The following EIPR1 variants were observed in gnomAD, a reference collection of about 807,000 sequenced individuals.
EIPR1 encodes the protein EARP and GARP complex-interacting protein 1.
Under a neutral mutation model 48.1 loss-of-function variants are expected in EIPR1, and 25 were observed. That is an observed-to-expected ratio of 0.52 (90% CI 0.38 to 0.73). The LOEUF is 0.73. EIPR1 is among the 30% of genes least tolerant of loss of function. The pLI is 0.00. For synonymous variants in EIPR1, 204 were observed against 201.9 expected, an observed-to-expected ratio of 1.01 and a Z score of -0.09; for missense variants, 415 against 506.2, an observed-to-expected ratio of 0.82 and a Z score of 1.73.
chr2:3,360,499 C>G (rs1019450192), intron 1 of EIPR1, among the ~76,000 whole-genome samples: 4 of 151,976 alleles, frequency 2.6e-5, no homozygotes, highest in African/African-American at 9.7e-5. Context: ...GGAACCAAAC[C>G]AGGCAAAGGA....
At chr2:3,277,873 A>T (rs1667904614) in intron 3 of EIPR1, among the ~76,000 whole-genome samples, 1 of 152,168 alleles carries the variant, frequency 6.6e-6, no homozygotes, top group African/African-American at 2.4e-5. Context: ...TTCACGGTGG[A>T]CTTGAGCCCT....
At chr2:3,346,284 T>C (rs11902077) in intron 2 of EIPR1, among the ~76,000 whole-genome samples, 1,636 of 152,330 alleles carry the variant, frequency 0.011, 28 homozygotes, top group African/African-American at 0.037. Context: ...GGGAATCTGA[T>C]GGAATTTGCA....
At chr2:3,295,098 CAT>C (rs1403179752) in intron 3 of EIPR1, among the ~76,000 whole-genome samples, 6 of 143,550 alleles carry the variant, frequency 4.2e-5, no homozygotes, top group African/African-American at 7.8e-5. Flanking sequence ...TCTTTCCACA[CAT>C]ACACCCTCCA....
chr2:3,245,238 G>A (rs1429331532), intron 4 of EIPR1, among the ~76,000 whole-genome samples: 1 of 151,782 alleles, frequency 6.6e-6, no homozygotes, highest in Non-Finnish European at 1.5e-5. Flanking sequence ...TTTGAGATGG[G>A]GTCTTGCTCT....
At chr2:3,343,632 G>A (rs1324495582) in intron 2 of EIPR1, among the ~76,000 whole-genome samples, 2 of 152,168 alleles carry the variant, frequency 1.3e-5, no homozygotes, top group East Asian at 1.9e-4. Context: ...AGGTGACACT[G>A]TAAAGATTTA....
intron 3 of EIPR1, among the ~76,000 whole-genome samples, chr2:3,304,529 A>G (rs1416750661): frequency 0.18 from 1,269 of 6,906 alleles, 609 homozygotes; most frequent in South Asian, 0.23. Flanking sequence ...GTCCAGTTCA[A>G]CCCTCCAATC....
intron 3 of EIPR1, among the ~76,000 whole-genome samples, chr2:3,297,748 A>G (rs1385081844): frequency 3.9e-5 from 6 of 152,244 alleles, no homozygotes; most frequent in Non-Finnish European, 7.3e-5. Context: ...AAAACCAGGT[A>G]GTGGGCCAGA....
At chr2:3,338,262 T>A in intron 2 of EIPR1, 113 bp from the exon 3 acceptor site, 1 of 1,254,424 alleles carries the variant, frequency 8.0e-7, no homozygotes, top group Non-Finnish European at 1.1e-6. Context: ...CAGATACATC[T>A]TTAGTTAATT....
intron 1 of EIPR1, among the ~76,000 whole-genome samples, chr2:3,362,926 T>C (rs866178759): frequency 3.9e-5 from 6 of 152,242 alleles, no homozygotes; most frequent in Middle Eastern, 3.4e-3. Context: ...GTACTTCCCA[T>C]ACACATGGTA....
At chr2:3,218,064 G>T (rs1271711975) in intron 4 of EIPR1, among the ~76,000 whole-genome samples, 1 of 152,098 alleles carries the variant, frequency 6.6e-6, no homozygotes, top group Non-Finnish European at 1.5e-5. Flanking sequence ...AGTGAGTCAG[G>T]TGCACACCCA....
chr2:3,347,566 C>A (rs990107704), intron 2 of EIPR1, among the ~76,000 whole-genome samples: 1 of 152,172 alleles, frequency 6.6e-6, no homozygotes, highest in Admixed American at 6.5e-5. Context: ...ACCTCTTTTT[C>A]TTTCCCGTCT....
At chr2:3,225,768 T>G (rs1000199259) in intron 4 of EIPR1, among the ~76,000 whole-genome samples, 4 of 152,124 alleles carry the variant, frequency 2.6e-5, no homozygotes, top group Admixed American at 6.5e-5. Flanking sequence ...AGCTGAACGT[T>G]CCTAACCTTT....
chr2:3,230,744 C>G (rs1470423516), intron 4 of EIPR1, among the ~76,000 whole-genome samples: 2 of 152,226 alleles, frequency 1.3e-5, no homozygotes, highest in African/African-American at 4.8e-5. Flanking sequence ...TATCCTGTTT[C>G]TATTACAGTA....
At chr2:3,228,821 G>T (rs1014325524) in intron 4 of EIPR1, among the ~76,000 whole-genome samples, 3 of 152,102 alleles carry the variant, frequency 2.0e-5, no homozygotes, top group Non-Finnish European at 4.4e-5. Flanking sequence ...ACTCCATCCT[G>T]CCACTCTGTG....
At chr2:3,375,426 A>C (rs1659843635) in intron 1 of EIPR1, among the ~76,000 whole-genome samples, 1 of 152,258 alleles carries the variant, frequency 6.6e-6, no homozygotes, top group Non-Finnish European at 1.5e-5. Flanking sequence ...ATAACATTTC[A>C]GTTAACCTCA....
intron 3 of EIPR1, among the ~76,000 whole-genome samples, chr2:3,259,257 T>C (rs1017674736): frequency 7.9e-5 from 12 of 151,390 alleles, no homozygotes; most frequent in African/African-American, 2.9e-4. Context: ...AAACAGCTAT[T>C]CTGTGGAAGA....
intron 3 of EIPR1, among the ~76,000 whole-genome samples, chr2:3,269,451 A>T (rs370833469): frequency 2.9e-5 from 1 of 34,850 alleles, no homozygotes; most frequent in African/African-American, 9.7e-5. Context: ...ACCACACTCA[A>T]TCATCACCAC....
intron 4 of EIPR1, among the ~76,000 whole-genome samples, chr2:3,250,158 G>A (rs1666959262): frequency 6.6e-6 from 1 of 152,340 alleles, no homozygotes; most frequent in Non-Finnish European, 1.5e-5. Context: ...AGAGCCAGAA[G>A]CAGCTTGCAT....
intron 3 of EIPR1, among the ~76,000 whole-genome samples, chr2:3,259,742 T>A (rs367583004): frequency 2.0e-5 from 3 of 152,322 alleles, no homozygotes; most frequent in African/African-American, 7.2e-5. Context: ...AGAAGAGCAA[T>A]GAAGTTTTGG....
Sources: allele counts gnomAD v4.1 joint callset (sites outside exome capture counted in the v4.1 genomes callset), GRCh38; gene constraint gnomAD v4.1.1; transcripts MANE v1.5; gene names NCBI Gene and HGNC (gene_info 2026-07-23, HGNC 2026-07-21).